WWC1: variants seen among roughly 807,000 people sequenced by gnomAD.
The protein encoded by WWC1 is protein KIBRA.
A neutral mutation model predicts 138.4 loss-of-function variants in WWC1; 55 were observed. The ratio of observed to expected loss-of-function variants is 0.40; its 90% CI spans 0.32 to 0.50. The LOEUF (loss-of-function observed/expected upper bound fraction) is 0.50. WWC1 is among the 20% of genes least tolerant of loss of function. WWC1 has a pLI of 0.72. For missense variants in WWC1, 1,226 were observed against 1,420.4 expected (o/e 0.86, Z 2.20); for synonymous variants, 524 against 564.9 (o/e 0.93, Z 1.03).
chr5:168,299,735 G>A (rs950186408), intron 1 of WWC1, among the ~76,000 whole-genome samples: 7 of 152,348 alleles, frequency 4.6e-5, no homozygotes, highest in Admixed American at 6.5e-5. Context: ...TCAGGTGCAC[G>A]TAAGGAGAAA....
chr5:168,463,263 A>T (rs916734597), intron 20 of WWC1, among the ~76,000 whole-genome samples: 1 of 152,218 alleles, frequency 6.6e-6, no homozygotes, highest in Non-Finnish European at 1.5e-5. Flanking sequence ...TTAAATGGCC[A>T]CATACTCATC....
intron 1 of WWC1, among the ~76,000 whole-genome samples, chr5:168,302,500 C>T (rs910525056): frequency 2.0e-5 from 3 of 152,140 alleles, no homozygotes; most frequent in African/African-American, 7.2e-5. Flanking sequence ...CTGGTGACAC[C>T]TGTCGACAGT....
At position 168,292,305 on chromosome 5, in the gene WWC1, A is replaced by G. The variant is rs1054636844; in HGVS notation, c.119+34A>G. 2 of 1,547,310 alleles carry G rather than the reference A, an allele frequency of 1.3e-6. No individual in the cohort carries two copies. Among genetic ancestry groups the G allele is most frequent in the African/African-American group, 1.4e-5 (1 of 71,362 alleles). ...CTGGAACCCTCCTCCGTGCCCCCAC[A>G]CCCCCGCCTGGGCCCCCACCTGCCC... is the stretch of plus-strand genomic sequence containing the variant. On this transcript the variant is annotated intron_variant, in intron 1 of 22. Transcript: ENST00000265293. This position sits in a 1 kb window ranked among gnomAD's most constrained non-coding sequence, Gnocchi z 4.4.
chr5:168,324,606 A>T (rs1018847349), intron 1 of WWC1, among the ~76,000 whole-genome samples: 1 of 150,430 alleles, frequency 6.6e-6, no homozygotes, highest in Non-Finnish European at 1.5e-5. Context: ...ATTGTGGATG[A>T]TTTTTTTTTT....
chr5:168,468,903 A>G lies in WWC1; in HGVS notation c.3276-48A>G, dbSNP rs548079666. 1,049 of 1,594,300 alleles carry G rather than the reference A, an allele frequency of 6.6e-4. 16 individuals carry two copies. In the South Asian group the frequency reaches 0.011, roughly 16 times the overall value. ...GAATTATCCTGCCCAGAATCTCTGT[A>G]GAGCGAGGTTGAAAACCCCTGCTCT... On this transcript the variant is annotated intron_variant, in intron 22 of 22. Transcript: ENST00000265293.
intron 16 of WWC1, among the ~76,000 whole-genome samples, chr5:168,443,924 T>C (rs549208359): frequency 6.6e-6 from 1 of 152,338 alleles, no homozygotes; most frequent in Admixed American, 6.5e-5. Context: ...TTAATCTTCA[T>C]AACAACCCTT....
chr5:168,310,394 TTG>T (rs576383715), intron 1 of WWC1, among the ~76,000 whole-genome samples: 6 of 151,186 alleles, frequency 4.0e-5, no homozygotes, highest in South Asian at 2.1e-4. Context: ...ACCATTTAAA[TTG>T]TGTGTGTGTA....
intron 2 of WWC1, among the ~76,000 whole-genome samples, chr5:168,372,403 A>G (rs1776831349): frequency 6.6e-6 from 1 of 152,144 alleles, no homozygotes. Context: ...AGCCTTCTAA[A>G]CTGTAGCATC....
chr5:168,419,116 G>T (rs184265208), intron 9 of WWC1, among the ~76,000 whole-genome samples: 2 of 152,320 alleles, frequency 1.3e-5, no homozygotes, highest in East Asian at 1.9e-4. Context: ...TGTGCTGGGG[G>T]CTTGGATGTG....
At chr5:168,386,366 A>G (rs1393915601) in intron 3 of WWC1, among the ~76,000 whole-genome samples, 2 of 145,260 alleles carry the variant, frequency 1.4e-5, no homozygotes, top group Non-Finnish European at 3.0e-5. Flanking sequence ...GCATGCCAAA[A>G]TCCCCTTGTT....
chr5:168,391,421 G>A (rs934182767), intron 3 of WWC1, among the ~76,000 whole-genome samples: 4 of 152,124 alleles, frequency 2.6e-5, no homozygotes, highest in African/African-American at 9.7e-5. Context: ...AGCACTTCGG[G>A]AGGCCGAGGC....
chr5:168,453,777 C>T (rs1191849567), intron 17 of WWC1, among the ~76,000 whole-genome samples, 191 bp from the exon 18 acceptor site: 1 of 152,122 alleles, frequency 6.6e-6, no homozygotes, highest in Admixed American at 6.5e-5. Flanking sequence ...AACTCCTGAA[C>T]TCAGGCAGTC....
At chr5:168,336,648 C>G (rs1773494237) in intron 1 of WWC1, among the ~76,000 whole-genome samples, 1 of 151,504 alleles carries the variant, frequency 6.6e-6, no homozygotes. Flanking sequence ...AGGATCTGAG[C>G]CTGTGCCCCA....
At chr5:168,329,955 CA>C (rs1359276791) in intron 1 of WWC1, among the ~76,000 whole-genome samples, 1 of 151,790 alleles carries the variant, frequency 6.6e-6, no homozygotes, top group African/African-American at 2.4e-5. Context: ...ACTGAAAATA[CA>C]AAAATTAGCC....
intron 17 of WWC1, among the ~76,000 whole-genome samples, chr5:168,449,276 C>T (rs988039838): frequency 6.6e-6 from 1 of 151,942 alleles, no homozygotes; most frequent in Non-Finnish European, 1.5e-5. Flanking sequence ...ATATTGAGAT[C>T]AGATTCACAG....
chr5:168,438,235 T>C (rs7722478), intron 15 of WWC1, among the ~76,000 whole-genome samples: 23,512 of 152,092 alleles, frequency 0.15, 2,038 homozygotes, highest in African/African-American at 0.23. Context: ...CCAGTGCATC[T>C]TGATGAATTG....
chr5:168,386,774 GC>G (rs1778082698), intron 3 of WWC1, among the ~76,000 whole-genome samples: 1 of 151,924 alleles, frequency 6.6e-6, no homozygotes. Flanking sequence ...CAATTCTCCT[GC>G]CTCAGTTGAG....
intron 2 of WWC1, among the ~76,000 whole-genome samples, chr5:168,381,735 G>T (rs964878549): frequency 6.6e-6 from 1 of 150,632 alleles, no homozygotes; most frequent in Non-Finnish European, 1.5e-5. Context: ...GTGTTCTTCG[G>T]GGGGTGGGGT....
intron 15 of WWC1, among the ~76,000 whole-genome samples, chr5:168,435,199 A>G (rs897937831): frequency 7.2e-5 from 11 of 151,964 alleles, no homozygotes; most frequent in African/African-American, 1.2e-4. Context: ...CCCCCACACC[A>G]TATCTGGCTG....
Sources: allele counts gnomAD v4.1 joint callset (sites outside exome capture counted in the v4.1 genomes callset), GRCh38; gene constraint gnomAD v4.1.1; non-coding constraint Gnocchi (gnomAD v3.1); transcripts MANE v1.5; gene names NCBI Gene and HGNC (gene_info 2026-07-23, HGNC 2026-07-21).